PVALB: variants seen among roughly 807,000 people sequenced by gnomAD.
PVALB encodes parvalbumin alpha.
Under a neutral mutation model 10.9 loss-of-function variants are expected in PVALB, and 11 were observed. That is an observed-to-expected ratio of 1.01 (90% CI 0.63 to 1.67). PVALB has a LOEUF of 1.67. Ranked by LOEUF, PVALB falls within the 40% of genes most tolerant of loss-of-function variation. PVALB has a pLI of 0.00. For missense variants in PVALB, 131 were observed against 136.2 expected, an observed-to-expected ratio of 0.96 and a Z score of 0.19; for synonymous variants, 57 against 50.7, an observed-to-expected ratio of 1.12 and a Z score of -0.53.
intron 3 of PVALB, among the ~76,000 whole-genome samples, chr22:36,803,962 C>T (rs1938912065): frequency 6.6e-6 from 1 of 152,208 alleles, no homozygotes. Context: ...GCTAGTGTCC[C>T]AGCTCAGGCA....
chr22:36,816,564 G>GC (rs1196849482), intron 1 of PVALB: 1 of 233,916 alleles, frequency 4.3e-6, no homozygotes, highest in Non-Finnish European at 8.2e-6. Flanking sequence ...AGAGGAGGAT[G>GC]CCCCCTGCAG....
At chr22:36,817,206 G>A (rs1364336937), upstream of PVALB, 1 of 384,160 alleles carries the variant, frequency 2.6e-6, no homozygotes, top group Non-Finnish European at 4.5e-6. Context: ...GCCGGCCGCC[G>A]GCAAGAAGGC....
chr22:36,816,837 G>T, intron 1 of PVALB, 108 bp downstream of exon 1: 1 of 969,270 alleles, frequency 1.0e-6, no homozygotes, highest in Non-Finnish European at 1.5e-6. Context: ...CGGGAAGTGT[G>T]GGCAGAAGCG....
chr22:36,804,736 C>A (rs1938924123), intron 3 of PVALB, among the ~76,000 whole-genome samples: 2 of 152,182 alleles, frequency 1.3e-5, no homozygotes, highest in South Asian at 2.1e-4. Context: ...GAGTTCGAGA[C>A]CAGCCTGATC....
chr22:36,817,099 C>T (rs918006161), upstream of PVALB: 8 of 1,201,468 alleles, frequency 6.7e-6, no homozygotes, highest in East Asian at 6.2e-5. Context: ...TGCAGTGCTG[C>T]GCGCCGGGCG....
At chr22:36,805,236 C>A (rs980899752) in intron 3 of PVALB, among the ~76,000 whole-genome samples, 1 of 152,120 alleles carries the variant, frequency 6.6e-6, no homozygotes, top group Non-Finnish European at 1.5e-5. Flanking sequence ...CTGTGACCTT[C>A]GACTAGATGC....
intron 3 of PVALB, among the ~76,000 whole-genome samples, chr22:36,812,957 G>A (rs1939069360): frequency 6.6e-6 from 1 of 152,358 alleles, no homozygotes; most frequent in Middle Eastern, 3.4e-3. Flanking sequence ...AATGGAGAAA[G>A]GAGTGGACGG....
upstream of PVALB, chr22:36,817,134 G>C: frequency 1.2e-6 from 1 of 820,506 alleles, no homozygotes; most frequent in South Asian, 1.9e-5. Context: ...CTGGCATGGC[G>C]CCAGGGGCCC....
intron 3 of PVALB, among the ~76,000 whole-genome samples, chr22:36,804,180 T>C (rs889968482): frequency 2.6e-5 from 4 of 152,330 alleles, no homozygotes; most frequent in Admixed American, 2.0e-4. Flanking sequence ...CTGGAAATTA[T>C]GGGCTCTCAG....
At chr22:36,803,306 G>A (rs1277450570) in intron 3 of PVALB, among the ~76,000 whole-genome samples, 2 of 152,128 alleles carry the variant, frequency 1.3e-5, no homozygotes, top group African/African-American at 2.4e-5. Context: ...CCATCCCATC[G>A]CATTAGTCCT....
intron 3 of PVALB, among the ~76,000 whole-genome samples, chr22:36,809,544 C>A (rs1176085001): frequency 6.6e-6 from 1 of 152,212 alleles, no homozygotes; most frequent in Non-Finnish European, 1.5e-5. Flanking sequence ...CTCTTCCTAG[C>A]CTAAAGGGTT....
intron 3 of PVALB, among the ~76,000 whole-genome samples, chr22:36,801,760 A>C (rs567869001): frequency 5.1e-4 from 78 of 152,340 alleles, no homozygotes; most frequent in African/African-American, 1.8e-3. Context: ...AGATCGTGCC[A>C]CCGCACTCCA....
At chr22:36,817,066 A>G, upstream of PVALB, 1 of 1,489,772 alleles carries the variant, frequency 6.7e-7, no homozygotes, top group East Asian at 2.4e-5. Context: ...TTTTCTCATC[A>G]TTTCTGCTCA....
intron 3 of PVALB, among the ~76,000 whole-genome samples, chr22:36,805,972 C>T (rs138384340): frequency 2.2e-4 from 33 of 152,306 alleles, no homozygotes; most frequent in Admixed American, 7.2e-4. Flanking sequence ...CACATCCATC[C>T]GTGGCAACTT....
At chr22:36,808,348 G>C (rs181682697) in intron 3 of PVALB, among the ~76,000 whole-genome samples, 55 of 152,092 alleles carry the variant, frequency 3.6e-4, no homozygotes, top group African/African-American at 1.2e-3. Flanking sequence ...ACTCTGCGGG[G>C]GCAGGCATTG....
intron 3 of PVALB, among the ~76,000 whole-genome samples, chr22:36,804,911 G>A (rs1172519028): frequency 2.6e-5 from 4 of 152,138 alleles, no homozygotes; most frequent in African/African-American, 9.7e-5. Flanking sequence ...TCCAGCCTGG[G>A]TGACAGAGCA....
intron 3 of PVALB, among the ~76,000 whole-genome samples, chr22:36,803,460 T>C (rs1165676036): frequency 6.6e-6 from 1 of 152,110 alleles, no homozygotes; most frequent in Admixed American, 6.6e-5. Context: ...GCAGCCACAG[T>C]GTTCCTGGCA....
Position 36,813,628 on chromosome 22 carries a change from C to T in PVALB, c.304+18G>A, listed in dbSNP as rs1939081292. On this transcript the variant is annotated intron_variant, in intron 3 of 3. Coordinates refer to ENST00000417718, the MANE Select transcript of PVALB (RefSeq NM_001315532.2). ...CAAGATCCACAATATGCCCAGACCC[C>T]AGGTCACGGCTACCCACCGTCAACC... 1.3e-6 allele frequency: 2 copies of T among 1,581,766 alleles called. No homozygotes were observed. Among genetic ancestry groups the T allele is most frequent in the Admixed American group, 3.3e-5 (2 of 59,926 alleles).
intron 3 of PVALB, among the ~76,000 whole-genome samples, chr22:36,801,817 G>A (rs752837787): frequency 1.3e-5 from 2 of 152,132 alleles, no homozygotes; most frequent in African/African-American, 4.8e-5. Context: ...ACAAAAAAAA[G>A]AAAAGAAAAA....
Sources: allele counts gnomAD v4.1 joint callset (sites outside exome capture counted in the v4.1 genomes callset), GRCh38; gene constraint gnomAD v4.1.1; transcripts MANE v1.5; gene names NCBI Gene and HGNC (gene_info 2026-07-23, HGNC 2026-07-21).